The following LGSN variants were observed in gnomAD, a reference collection of about 807,000 sequenced individuals.
LGSN encodes lengsin, lens protein with glutamine synthetase domain.
LGSN carries 21 observed loss-of-function variants against 19.5 expected under a neutral mutation model. The ratio of observed to expected loss-of-function variants is 1.07; its 90% CI spans 0.76 to 1.55. The LOEUF (loss-of-function observed/expected upper bound fraction) is 1.55. Ranked by LOEUF, LGSN falls within the 40% of genes most tolerant of loss-of-function variation. The pLI, the probability that LGSN is intolerant of heterozygous loss-of-function variation, is 0.00. For missense variants in LGSN, 673 were observed against 608.5 expected (o/e 1.11, Z -1.12); for synonymous variants, 257 against 215.6 (o/e 1.19, Z -1.68).
chr6:63,303,075 C>T (rs933837885), intron 1 of LGSN, among the ~76,000 whole-genome samples: 1 of 152,088 alleles, frequency 6.6e-6, no homozygotes, highest in Non-Finnish European at 1.5e-5. Context: ...TTGAAGTGAG[C>T]CGAGATTGCA....
the LGSN span, among the ~76,000 whole-genome samples, chr6:63,358,697 T>C: frequency 6.6e-5 from 10 of 152,248 alleles, no homozygotes; most frequent in Admixed American, 6.5e-4. Context: ...GCTGAGACTT[T>C]GCTGAAGTTG....
chr6:63,572,736 T>C, the LGSN span: 1 of 398,322 alleles, frequency 2.5e-6, no homozygotes, highest in East Asian at 3.6e-5. Context: ...AGCCGTCGCA[T>C]CGTCGCCTCT....
chr6:63,287,701 G>C (rs960436256), intron 2 of LGSN, among the ~76,000 whole-genome samples: 1 of 151,904 alleles, frequency 6.6e-6, no homozygotes, highest in Non-Finnish European at 1.5e-5. Context: ...AAGAGGGACT[G>C]TCTTAACCAA....
chr6:63,470,174 A>G, the LGSN span, among the ~76,000 whole-genome samples: 2 of 152,034 alleles, frequency 1.3e-5, no homozygotes, highest in African/African-American at 4.8e-5. Context: ...GCAGGCACGC[A>G]CTCAGACTTA....
chr6:63,288,463 GAA>G (rs529865947), intron 2 of LGSN, among the ~76,000 whole-genome samples: 68 of 140,000 alleles, frequency 4.9e-4, no homozygotes, highest in African/African-American at 1.8e-3. Context: ...GAAAGGGCTG[GAA>G]AAAAAAAAAA....
chr6:63,338,695 C>T, the LGSN span, among the ~76,000 whole-genome samples: 2 of 151,808 alleles, frequency 1.3e-5, no homozygotes, highest in Non-Finnish European at 2.9e-5. Flanking sequence ...TCATTCTGTT[C>T]TGATATTTAT....
the LGSN span, among the ~76,000 whole-genome samples, chr6:63,554,917 C>T: frequency 6.6e-6 from 1 of 152,188 alleles, no homozygotes; most frequent in Non-Finnish European, 1.5e-5. Context: ...TAGATTTTCA[C>T]AGAAATTATG....
At chr6:63,313,082 C>A (rs1439168149) in intron 1 of LGSN, among the ~76,000 whole-genome samples, 1 of 151,772 alleles carries the variant, frequency 6.6e-6, no homozygotes, top group African/African-American at 2.4e-5. Context: ...AGAACAGGGA[C>A]TGAGAAAATA....
the LGSN span, among the ~76,000 whole-genome samples, chr6:63,445,070 G>C: frequency 0.47 from 71,498 of 152,076 alleles, 17,958 homozygotes; most frequent in Non-Finnish European, 0.53. Flanking sequence ...CAGCACTTTG[G>C]AAGGCCGAGG....
At chr6:63,486,708 G>T in the LGSN span, among the ~76,000 whole-genome samples, 2 of 124,852 alleles carry the variant, frequency 1.6e-5, no homozygotes, top group Admixed American at 9.7e-5. Flanking sequence ...TTTTTGAGAC[G>T]GAGTCTCACT....
chr6:63,432,153 GAAAGAAA>G, the LGSN span, among the ~76,000 whole-genome samples: 83 of 104,362 alleles, frequency 8.0e-4, no homozygotes, highest in Admixed American at 1.3e-3. Context: ...AAGAAAGAAA[GAAAGAAA>G]GAAAGAAAGA....
At chr6:63,356,406 G>A in the LGSN span, among the ~76,000 whole-genome samples, 1 of 152,048 alleles carries the variant, frequency 6.6e-6, no homozygotes, top group East Asian at 1.9e-4. Context: ...GCTGGGTGTG[G>A]TGGCTCGTGC....
chr6:63,362,456 C>T, the LGSN span, among the ~76,000 whole-genome samples: 5 of 152,170 alleles, frequency 3.3e-5, no homozygotes, highest in South Asian at 1.0e-3. Context: ...CCAAGGGAAG[C>T]CATGACAGAT....
At chr6:63,397,993 G>A in the LGSN span, among the ~76,000 whole-genome samples, 1 of 151,854 alleles carries the variant, frequency 6.6e-6, no homozygotes, top group South Asian at 2.1e-4. Context: ...TTATTGCCTA[G>A]TGATATCATA....
chr6:63,297,525 G>A (rs2127389214), intron 1 of LGSN, among the ~76,000 whole-genome samples: 1 of 152,110 alleles, frequency 6.6e-6, no homozygotes, highest in South Asian at 2.1e-4. Flanking sequence ...TATAAACATA[G>A]CTATAATAAA....
the LGSN span, among the ~76,000 whole-genome samples, chr6:63,529,106 T>A: frequency 1.4e-5 from 2 of 147,896 alleles, no homozygotes; most frequent in Non-Finnish European, 3.0e-5. Flanking sequence ...TATATATGTG[T>A]GTATATATAT....
the LGSN span, among the ~76,000 whole-genome samples, chr6:63,437,732 C>T: frequency 6.6e-6 from 1 of 152,076 alleles, no homozygotes; most frequent in Non-Finnish European, 1.5e-5. Flanking sequence ...GAGTTCGAGA[C>T]CAGCCTAGCC....
the LGSN span, among the ~76,000 whole-genome samples, chr6:63,503,399 C>T: frequency 6.6e-6 from 1 of 152,168 alleles, no homozygotes; most frequent in African/African-American, 2.4e-5. Flanking sequence ...TGTGCTGATC[C>T]AAGGTATTCG....
chr6:63,547,315 G>A, the LGSN span, among the ~76,000 whole-genome samples: 18 of 149,838 alleles, frequency 1.2e-4, no homozygotes, highest in East Asian at 1.8e-3. Flanking sequence ...TCAGCCTCCC[G>A]AGTAGCTGGG....
Sources: allele counts gnomAD v4.1 joint callset (sites outside exome capture counted in the v4.1 genomes callset), GRCh38; gene constraint gnomAD v4.1.1; transcripts MANE v1.5; gene names NCBI Gene and HGNC (gene_info 2026-07-23, HGNC 2026-07-21).